Variants in RABGAP1L observed in about 807,000 individuals in gnomAD.
The protein encoded by RABGAP1L is rab GTPase-activating protein 1-like.
In RABGAP1L, 63 loss-of-function variants were observed where a neutral mutation model predicts 137.7. The observed-to-expected ratio is 0.46, with a 90% CI of 0.37 to 0.56. The LOEUF is 0.56. RABGAP1L is among the 20% of genes least tolerant of loss of function. The pLI is 0.00. For missense variants in RABGAP1L, 1,095 were observed against 1,244.0 expected, an observed-to-expected ratio of 0.88 and a Z score of 1.80; for synonymous variants, 431 against 433.7, an observed-to-expected ratio of 0.99 and a Z score of 0.08.
intron 13 of RABGAP1L, among the ~76,000 whole-genome samples, chr1:174,492,995 C>G (rs1193734770): frequency 6.6e-6 from 1 of 151,490 alleles, no homozygotes; most frequent in Non-Finnish European, 1.5e-5. Context: ...AGGCTTTAAG[C>G]TCCATGAGGT....
At chr1:174,582,280 A>AC (rs1668802609) in intron 13 of RABGAP1L, among the ~76,000 whole-genome samples, 2 of 152,156 alleles carry the variant, frequency 1.3e-5, no homozygotes, top group African/African-American at 2.4e-5. Flanking sequence ...AGTAAGACTT[A>AC]GAAAAATAAA....
At chr1:174,160,466 G>A (rs1174019801) in intron 1 of RABGAP1L, among the ~76,000 whole-genome samples, 1 of 152,172 alleles carries the variant, frequency 6.6e-6, no homozygotes, top group Admixed American at 6.5e-5. Context: ...CAGATACTAG[G>A]CAGTGTGTCC....
intron 10 of RABGAP1L, among the ~76,000 whole-genome samples, chr1:174,285,379 A>C (rs944074443): frequency 6.6e-6 from 1 of 151,890 alleles, no homozygotes; most frequent in African/African-American, 2.4e-5. Flanking sequence ...TTTGTAAGGG[A>C]TTTTTTTGTT....
intron 11 of RABGAP1L, among the ~76,000 whole-genome samples, chr1:174,309,922 T>G (rs1678659704): frequency 6.6e-6 from 1 of 152,162 alleles, no homozygotes; most frequent in African/African-American, 2.4e-5. Context: ...TGGAAAAGTT[T>G]GAGAACAGTT....
At chr1:174,632,469 A>T (rs892498907) in intron 13 of RABGAP1L, among the ~76,000 whole-genome samples, 15 of 149,524 alleles carry the variant, frequency 1.0e-4, no homozygotes, top group South Asian at 4.3e-4. Flanking sequence ...GTTCTCCTGG[A>T]TAATATCCTG....
At chr1:174,534,363 T>C (rs1222886938) in intron 13 of RABGAP1L, among the ~76,000 whole-genome samples, 1 of 152,156 alleles carries the variant, frequency 6.6e-6, no homozygotes, top group Non-Finnish European at 1.5e-5. Flanking sequence ...CCCCAGTGGA[T>C]GTCTAAAACT....
At position 174,831,939 on chromosome 1, in the gene RABGAP1L, G is replaced by A. The variant is rs1041166976; in HGVS notation, c.2340+19979G>A. On this transcript the variant is annotated intron_variant, in intron 19 of 25. Coordinates refer to ENST00000681986, the MANE Select transcript of RABGAP1L (RefSeq NM_001366446.1). ...ATTCTCAGTATTTGGAGAACAATGC[G>A]GTGGAAACAAGAAAGAATACAAAAG... Among the ~76,000 whole-genome samples, 3 of 147,544 alleles carry A rather than the reference G, an allele frequency of 2.0e-5. 1 individual carries two copies. Among genetic ancestry groups the A allele is most frequent in the Non-Finnish European group, 3.0e-5 (2 of 66,454 alleles).
At chr1:174,361,313 G>C (rs1684129244) in intron 11 of RABGAP1L, among the ~76,000 whole-genome samples, 1 of 139,644 alleles carries the variant, frequency 7.2e-6, no homozygotes, top group Non-Finnish European at 1.5e-5. Flanking sequence ...TTCTATTTCT[G>C]TGAAGAATGT....
At position 174,448,440 on chromosome 1, in the gene RABGAP1L, A is replaced by G; in HGVS notation, c.1710+54295A>G. 6.2e-7 allele frequency: 1 copy of G among 1,613,624 alleles called. No individual in the cohort carries two copies. Among genetic ancestry groups the G allele is most frequent in the Non-Finnish European group, 8.5e-7 (1 of 1,179,578 alleles). On this transcript the variant is annotated intron_variant, in intron 13 of 25. Transcript: ENST00000681986. This position sits in a 1 kb window ranked among gnomAD's most constrained non-coding sequence, Gnocchi z 4.2. ...CTCCACTACTCCACAGGTGTCCACGAGTCATTGACTTGCCAGGTTTTTGGA... is the reference window on the plus strand; with the variant it reads ...CTCCACTACTCCACAGGTGTCCACGGGTCATTGACTTGCCAGGTTTTTGGA...
chr1:174,675,628 A>G (rs1247507400), intron 14 of RABGAP1L, among the ~76,000 whole-genome samples: 2 of 152,100 alleles, frequency 1.3e-5, no homozygotes, highest in Non-Finnish European at 2.9e-5. Flanking sequence ...CTGTGAAGAA[A>G]GTCATTGGTA....
intron 13 of RABGAP1L, among the ~76,000 whole-genome samples, chr1:174,443,144 C>T (rs185246230): frequency 5.5e-4 from 83 of 151,972 alleles, no homozygotes; most frequent in Middle Eastern, 3.4e-3. Context: ...AGGTTGATTC[C>T]GTATCTTGGT....
intron 13 of RABGAP1L, among the ~76,000 whole-genome samples, chr1:174,492,508 C>T (rs1341021733): frequency 1.3e-5 from 2 of 152,014 alleles, no homozygotes; most frequent in African/African-American, 2.4e-5. Context: ...CCACCACTCT[C>T]GGCTAGTTCT....
At chr1:174,542,808 G>C (rs1359648033) in intron 13 of RABGAP1L, among the ~76,000 whole-genome samples, 1 of 152,042 alleles carries the variant, frequency 6.6e-6, no homozygotes, top group Non-Finnish European at 1.5e-5. Context: ...TGTTCTCATT[G>C]GTTTCAAAGT....
intron 13 of RABGAP1L, among the ~76,000 whole-genome samples, chr1:174,518,705 G>A (rs1458238053): frequency 6.6e-6 from 1 of 152,138 alleles, no homozygotes; most frequent in Non-Finnish European, 1.5e-5. Flanking sequence ...AATGAATGGT[G>A]CCTTCTGGAA....
intron 18 of RABGAP1L, chr1:174,800,160 G>A (rs1314368661): frequency 1.1e-5 from 15 of 1,392,864 alleles, no homozygotes; most frequent in Admixed American, 3.2e-5. Context: ...TTCTCGCAGT[G>A]GATAATTTAG....
intron 13 of RABGAP1L, among the ~76,000 whole-genome samples, chr1:174,621,439 C>T (rs576990763): frequency 6.6e-6 from 1 of 152,168 alleles, no homozygotes; most frequent in Non-Finnish European, 1.5e-5. Flanking sequence ...CATCAAGCTA[C>T]CTGACTTCAA....
chr1:174,763,084 G>C (rs1685362739), intron 18 of RABGAP1L, among the ~76,000 whole-genome samples: 2 of 151,556 alleles, frequency 1.3e-5, no homozygotes, highest in South Asian at 4.2e-4. Flanking sequence ...CAAAGCGCTA[G>C]GATTACAGGC....
At chr1:174,393,872 C>A in intron 12 of RABGAP1L, 123 bp from the exon 13 acceptor site, 1 of 1,040,340 alleles carries the variant, frequency 9.6e-7, no homozygotes, top group African/African-American at 1.6e-5. Context: ...TTAATGCCCC[C>A]CCACAAACTG....
At chr1:174,197,799 TAA>T (rs923014982) in intron 1 of RABGAP1L, among the ~76,000 whole-genome samples, 1 of 145,524 alleles carries the variant, frequency 6.9e-6, no homozygotes. Flanking sequence ...AAACTCCGTC[TAA>T]AAAAAAAAAA....
Sources: allele counts gnomAD v4.1 joint callset (sites outside exome capture counted in the v4.1 genomes callset), GRCh38; gene constraint gnomAD v4.1.1; non-coding constraint Gnocchi (gnomAD v3.1); transcripts MANE v1.5; gene names NCBI Gene and HGNC (gene_info 2026-07-23, HGNC 2026-07-21).